The following UBAP2L variants were observed in gnomAD, a reference collection of about 807,000 sequenced individuals.
UBAP2L encodes the protein ubiquitin associated protein 2 like.
UBAP2L carries 12 observed loss-of-function variants against 130.6 expected under a neutral mutation model. The observed-to-expected ratio is 0.09, with a 90% CI of 0.06 to 0.15. The LOEUF is 0.15. Among genes scored for constraint, UBAP2L ranks in the 10% least tolerant of loss-of-function variants. The probability of loss-of-function intolerance (pLI) is 1.00; values close to 1 mark genes in which losing one functional copy is unlikely to be tolerated. For missense variants in UBAP2L, 965 were observed against 1,332.5 expected (o/e 0.72, Z 4.29); for synonymous variants, 503 against 524.7 (o/e 0.96, Z 0.57).
chr1:154,266,545 G>T lies in UBAP2L; in HGVS notation c.2947G>T (p.Gly983Cys). Residue 983 changes from glycine (G) to cysteine (C), a missense_variant, in exon 25 of 27, where the codon GGT becomes TGT. By Grantham distance (159) the Gly-to-Cys change is radical. Coordinates refer to ENST00000428931, the MANE Select transcript of UBAP2L (RefSeq NM_014847.4). ...TAACACGGGCGTGCCAGATATCTCG[G>T]GTTCTGTGTACTCCAAAACCCAGGT... ...SSNTGVPDIS[G>C]SVYSKTQQSF... 6.2e-7 allele frequency: 1 copy of T among 1,614,158 alleles called. No individual in the cohort carries two copies. The highest frequency in any genetic ancestry group is 8.5e-7 in the Non-Finnish European group (1 of 1,180,044).
intron 11 of UBAP2L, among the ~76,000 whole-genome samples, chr1:154,248,199 T>C (rs980920539): frequency 2.1e-4 from 32 of 152,118 alleles, no homozygotes; most frequent in Admixed American, 3.9e-4. Flanking sequence ...ACTCCTGACC[T>C]AAGGTGAGCT....
rs1297261198 is a variant in UBAP2L at position 154,261,620 on chromosome 1, G to A, written c.2825G>A (p.Gly942Asp). The change falls in exon 24 of 27, where the codon GGT (glycine) becomes GAT (aspartate). Residue 942 changes from glycine (G) to aspartate (D), a missense_variant. By Grantham distance (94) the Gly-to-Asp change is moderately conservative. This residue lies in a region of UBAP2L where 194 missense variants were observed against 334.0 expected (regional missense o/e 0.58). Coordinates refer to ENST00000428931, the MANE Select transcript of UBAP2L (RefSeq NM_014847.4). ...GCTCCTACCTCTTCCAAGCAGCATGGTGTGAATGTCAGTGTGAATGCATCG... is the reference window on the plus strand; with the variant it reads ...GCTCCTACCTCTTCCAAGCAGCATGATGTGAATGTCAGTGTGAATGCATCG... ...PVAPTSSKQH[G>D]VNVSVNASAT... The A allele has an allele frequency of 6.2e-7, 1 of 1,614,132 alleles. No homozygotes were observed. Among genetic ancestry groups the A allele is most frequent in the Non-Finnish European group, 8.5e-7 (1 of 1,180,026 alleles).
intron 14 of UBAP2L, among the ~76,000 whole-genome samples, chr1:154,252,042 C>T (rs1383146271): frequency 5.9e-5 from 9 of 151,972 alleles, no homozygotes; most frequent in South Asian, 4.1e-4. Flanking sequence ...GGTGCGATCT[C>T]GGCTTACTGC....
At position 154,251,622 on chromosome 1, in the gene UBAP2L, G is replaced by T; in HGVS notation, c.1633G>T (p.Ala545Ser). 1 of 1,614,062 alleles carries T rather than the reference G, an allele frequency of 6.2e-7. No individual in the cohort carries two copies. Among genetic ancestry groups the T allele is most frequent in the East Asian group, 2.2e-5 (1 of 44,876 alleles). ...CACCACGAGCGCCTCTTCAAGCCAGGCTCCAAGTAGCCTGTATACCAGCAC... is the reference window on the plus strand; with the variant it reads ...CACCACGAGCGCCTCTTCAAGCCAGTCTCCAAGTAGCCTGTATACCAGCAC... ...TPTTSASSSQ[A>S]PSSLYTSTAS... The change falls in exon 14 of 27, where the codon GCT becomes TCT. Residue 545 changes from alanine to serine, a missense_variant. Transcript: ENST00000428931.
intron 9 of UBAP2L, among the ~76,000 whole-genome samples, chr1:154,242,673 T>A (rs1013375057): frequency 1.3e-5 from 2 of 152,220 alleles, no homozygotes; most frequent in Non-Finnish European, 2.9e-5. Context: ...AAGGACTAGA[T>A]GTCACAAAGT....
At chr1:154,224,167 G>T (rs1329932408) in intron 1 of UBAP2L, among the ~76,000 whole-genome samples, 1 of 152,154 alleles carries the variant, frequency 6.6e-6, no homozygotes, top group East Asian at 1.9e-4. Flanking sequence ...TGTGTTCTGT[G>T]TCTCTTTAAA....
At chr1:154,249,815 G>A (rs559661839) in intron 12 of UBAP2L, among the ~76,000 whole-genome samples, 1 of 149,652 alleles carries the variant, frequency 6.7e-6, no homozygotes, top group East Asian at 1.9e-4. Context: ...GTGTGCACCT[G>A]TGGTCCCAGC....
intron 9 of UBAP2L, 29 bp downstream of exon 9, chr1:154,241,594 A>T (rs769893668): frequency 6.2e-7 from 1 of 1,613,102 alleles, no homozygotes; most frequent in Non-Finnish European, 8.5e-7. Context: ...TTCCTCACTA[A>T]TGCCTTCTAT....
chr1:154,246,017 A>G (rs1193737428), intron 10 of UBAP2L, among the ~76,000 whole-genome samples, 187 bp from the exon 11 acceptor site: 1 of 152,248 alleles, frequency 6.6e-6, no homozygotes, highest in East Asian at 1.9e-4. Context: ...GAATTCAGCT[A>G]TATACTGTAG....
At chr1:154,261,538 A>C in intron 23 of UBAP2L, 54 bp from the exon 24 acceptor site, 1 of 1,546,602 alleles carries the variant, frequency 6.5e-7, no homozygotes, top group Non-Finnish European at 8.9e-7. Context: ...GACAAGTGGG[A>C]CAGATGGTAT....
At chr1:154,246,409 C>T (rs747479224) in intron 11 of UBAP2L, 34 bp downstream of exon 11, 110 of 1,590,222 alleles carry the variant, frequency 6.9e-5, no homozygotes, top group Non-Finnish European at 8.8e-5. Context: ...CTAATCAAAC[C>T]TTCCTGCTAA....
intron 12 of UBAP2L, 132 bp from the exon 13 acceptor site, chr1:154,250,909 C>G: frequency 1.1e-6 from 1 of 875,222 alleles, no homozygotes; most frequent in Non-Finnish European, 1.7e-6. Flanking sequence ...TGAGATTAAG[C>G]CCCAAAAGAG....
chr1:154,257,730 A>G (rs1470145311), intron 20 of UBAP2L: 1 of 400,084 alleles, frequency 2.5e-6, no homozygotes, highest in Non-Finnish European at 4.5e-6. Context: ...CATGTAATCA[A>G]ACTGGTTTTT....
At chr1:154,251,884 C>A (rs768730809) in intron 14 of UBAP2L, among the ~76,000 whole-genome samples, 10 of 152,102 alleles carry the variant, frequency 6.6e-5, no homozygotes, top group Non-Finnish European at 1.5e-4. Context: ...CACTTATAAT[C>A]CCAGCACTTT....
At chr1:154,248,251 G>C (rs1268605165) in intron 11 of UBAP2L, among the ~76,000 whole-genome samples, 2 of 152,278 alleles carry the variant, frequency 1.3e-5, no homozygotes, top group East Asian at 3.9e-4. Flanking sequence ...ACAGGCGTGA[G>C]CCACCGCATT....
Position 154,268,897 on chromosome 1 carries a change from C to T in UBAP2L, c.3111C>T (p.Thr1037=), listed in dbSNP as rs1356801850. The T allele has an allele frequency of 6.2e-7, 1 of 1,613,622 alleles. No individual in the cohort carries two copies. Among genetic ancestry groups the T allele is most frequent in the Non-Finnish European group, 8.5e-7 (1 of 1,179,896 alleles). Residue 1037 remains threonine (T), a synonymous_variant, in exon 26 of 27, where the codon ACC becomes ACT. Coordinates refer to ENST00000428931, the MANE Select transcript of UBAP2L (RefSeq NM_014847.4). ...CTGCCCCCTTTATGCACATTCTGAC[C>T]CCCCATCAGCAGCCGCATTCTCAGA... ...YPPAPFMHIL[T]PHQQPHSQIL...
At chr1:154,230,359 G>A (rs1352294901) in intron 4 of UBAP2L, among the ~76,000 whole-genome samples, 2 of 152,264 alleles carry the variant, frequency 1.3e-5, no homozygotes, top group East Asian at 1.9e-4. Flanking sequence ...AAATGCAGGA[G>A]GTTTGTCAAT....
At chr1:154,262,766 A>G (rs899680289) in intron 24 of UBAP2L, among the ~76,000 whole-genome samples, 2 of 152,020 alleles carry the variant, frequency 1.3e-5, no homozygotes, top group Non-Finnish European at 2.9e-5. Context: ...CCCCATTGAG[A>G]TTTAATACAT....
intron 4 of UBAP2L, among the ~76,000 whole-genome samples, chr1:154,232,510 C>T (rs1670190889): frequency 6.6e-6 from 1 of 152,088 alleles, no homozygotes; most frequent in Non-Finnish European, 1.5e-5. Flanking sequence ...TTCCTTACCA[C>T]AGACTTTCCC....
Sources: gnomAD v4.1 joint callset for allele counts (sites outside exome capture counted in the v4.1 genomes callset) on GRCh38, gnomAD v4.1.1 for gene constraint, gnomAD v4.1.1 regional missense constraint, MANE v1.5 for transcripts, NCBI Gene and HGNC (gene_info 2026-07-23, HGNC 2026-07-21) for gene names.